RBFOX1: variants seen among roughly 807,000 people sequenced by gnomAD.
RBFOX1 encodes RNA binding fox-1 homolog 1, also known as RNA binding protein fox-1 homolog 1.
Under a neutral mutation model 57.7 loss-of-function variants are expected in RBFOX1, and 8 were observed. The ratio of observed to expected loss-of-function variants is 0.14; its 90% CI spans 0.08 to 0.25. The LOEUF (loss-of-function observed/expected upper bound fraction) is 0.25, where lower values mean the gene tolerates loss of function less well. Among genes scored for constraint, RBFOX1 ranks in the 10% least tolerant of loss-of-function variants. The pLI, the probability that RBFOX1 is intolerant of heterozygous loss-of-function variation, is 1.00. For missense variants in RBFOX1, 611 were observed against 548.5 expected, an observed-to-expected ratio of 1.11 and a Z score of -1.14; for synonymous variants, 326 against 222.4, an observed-to-expected ratio of 1.47 and a Z score of -4.15.
chr16:6,963,953 C>T (rs1002220874), intron 3 of RBFOX1, among the ~76,000 whole-genome samples: 2 of 152,080 alleles, frequency 1.3e-5, no homozygotes, highest in Non-Finnish European at 2.9e-5. Context: ...CCGCCTCGGC[C>T]TCCCAAAGTG....
chr16:6,265,126 GC>G (rs1371801690), intron 1 of RBFOX1, among the ~76,000 whole-genome samples: 1 of 152,088 alleles, frequency 6.6e-6, no homozygotes, highest in African/African-American at 2.4e-5. Context: ...GTTATCTGGG[GC>G]TATTTTCTAG....
intron 4 of RBFOX1, among the ~76,000 whole-genome samples, chr16:7,469,769 C>A (rs186057633): frequency 5.3e-5 from 8 of 152,266 alleles, no homozygotes; most frequent in African/African-American, 1.9e-4. Flanking sequence ...TGTGCAATTA[C>A]TACCATTGAT....
chr16:6,477,631 T>G (rs969193510), intron 2 of RBFOX1, among the ~76,000 whole-genome samples: 1 of 152,222 alleles, frequency 6.6e-6, no homozygotes, highest in Non-Finnish European at 1.5e-5. Flanking sequence ...AAATGGTAAA[T>G]GAGCCTTGCT....
chr16:5,239,817 C>G (rs1055292393), exon 1 of RBFOX1: 11 of 887,180 alleles, frequency 1.2e-5, no homozygotes, highest in African/African-American at 1.8e-5. Flanking sequence ...TCAGACGCCC[C>G]AGCTCCGCCG....
chr16:6,973,126 A>G (rs1258154270), intron 3 of RBFOX1, among the ~76,000 whole-genome samples: 1 of 145,682 alleles, frequency 6.9e-6, no homozygotes, highest in Admixed American at 6.8e-5. Flanking sequence ...GCAAGACTCC[A>G]TTGTCTAAAT....
chr16:5,415,225 C>A (rs868358068), intron 1 of RBFOX1, among the ~76,000 whole-genome samples: 6 of 152,118 alleles, frequency 3.9e-5, no homozygotes, highest in African/African-American at 7.2e-5. Context: ...AGGAAACTTA[C>A]AATCATGGCA....
rs190317565 is a variant in RBFOX1 at position 6,369,859 on chromosome 16, C to A, written c.-64+52802C>A. Among the ~76,000 whole-genome samples, 311 of 152,246 alleles carry A rather than the reference C, an allele frequency of 2.0e-3. 2 individuals are homozygous for A. The highest frequency in any genetic ancestry group is 0.017 in the Middle Eastern group (5 of 294). On this transcript the variant is annotated intron_variant, in intron 2 of 15. Transcript: ENST00000550418. ...AATTCCAAAATTAAGAAATTTAACA[C>A]ACTGGTATAGTCCTCTGGTCTCATC...
At chr16:7,215,516 C>A (rs76498003) in intron 4 of RBFOX1, among the ~76,000 whole-genome samples, 2,126 of 152,250 alleles carry the variant, frequency 0.014, 34 homozygotes, top group African/African-American at 0.039. Flanking sequence ...ATACGATTTA[C>A]ACAGTGCAAA....
chr16:6,309,394 C>A (rs1378652307), intron 1 of RBFOX1, among the ~76,000 whole-genome samples: 1 of 152,114 alleles, frequency 6.6e-6, no homozygotes, highest in African/African-American at 2.4e-5. Context: ...ACAGACAGTG[C>A]AAATTAAAAG....
intron 14 of RBFOX1, among the ~76,000 whole-genome samples, chr16:7,706,295 C>G (rs533902665): frequency 3.9e-5 from 6 of 152,294 alleles, no homozygotes; most frequent in African/African-American, 1.4e-4. Flanking sequence ...CCATTGGATT[C>G]TGAAGGTAGA....
At chr16:7,356,747 T>C (rs1568385970) in intron 4 of RBFOX1, among the ~76,000 whole-genome samples, 1 of 152,366 alleles carries the variant, frequency 6.6e-6, no homozygotes, top group East Asian at 1.9e-4. Flanking sequence ...TTAACAGTTT[T>C]CTTAAAACAG....
At chr16:6,555,523 C>T (rs1003712674) in intron 2 of RBFOX1, among the ~76,000 whole-genome samples, 2 of 152,030 alleles carry the variant, frequency 1.3e-5, no homozygotes, top group South Asian at 2.1e-4. Context: ...CACAGTGAAA[C>T]CCCGTCTCTA....
chr16:7,203,853 A>T (rs1052125091), intron 4 of RBFOX1, among the ~76,000 whole-genome samples: 3 of 152,214 alleles, frequency 2.0e-5, no homozygotes, highest in Non-Finnish European at 4.4e-5. Context: ...CCAGAAATCT[A>T]AGTTTGTCCA....
chr16:5,961,660 C>G (rs1036559651), intron 4 of RBFOX1, among the ~76,000 whole-genome samples: 1 of 152,134 alleles, frequency 6.6e-6, no homozygotes. Context: ...GCTGAGAATA[C>G]AGGCATGTGC....
chr16:7,285,064 T>C (rs902836152), intron 4 of RBFOX1, among the ~76,000 whole-genome samples: 2 of 143,282 alleles, frequency 1.4e-5, no homozygotes, highest in African/African-American at 5.2e-5. Flanking sequence ...TTGCTATCTA[T>C]AGATTCCTTA....
chr16:5,816,325 C>T (rs1328880911), intron 3 of RBFOX1, among the ~76,000 whole-genome samples: 1 of 152,148 alleles, frequency 6.6e-6, no homozygotes, highest in African/African-American at 2.4e-5. Flanking sequence ...CCGTCAATTA[C>T]AAAACCTTCC....
chr16:5,522,335 A>T (rs2044054378), intron 2 of RBFOX1, among the ~76,000 whole-genome samples: 1 of 152,246 alleles, frequency 6.6e-6, no homozygotes, highest in African/African-American at 2.4e-5. Context: ...TGCGTAAAGC[A>T]CGTTGCATAC....
intron 3 of RBFOX1, among the ~76,000 whole-genome samples, chr16:5,794,694 C>G (rs2054817947): frequency 6.6e-6 from 1 of 152,296 alleles, no homozygotes; most frequent in Non-Finnish European, 1.5e-5. Flanking sequence ...AGAAGAACAC[C>G]TTAATGATGG....
chr16:6,978,329 G>T (rs1464800970), intron 3 of RBFOX1, among the ~76,000 whole-genome samples: 1 of 152,142 alleles, frequency 6.6e-6, no homozygotes, highest in African/African-American at 2.4e-5. Context: ...TTTTATCCCG[G>T]TGCTCTATTT....
Sources: allele counts gnomAD v4.1 joint callset (sites outside exome capture counted in the v4.1 genomes callset), GRCh38; gene constraint gnomAD v4.1.1; transcripts MANE v1.5; gene names NCBI Gene and HGNC (gene_info 2026-07-23, HGNC 2026-07-21).